PPP2R2C: variants seen among roughly 807,000 people sequenced by gnomAD.
PPP2R2C encodes the protein protein phosphatase 2 regulatory subunit Bgamma.
In PPP2R2C, 10 loss-of-function variants were observed where a neutral mutation model predicts 45.3. The ratio of observed to expected loss-of-function variants is 0.22; its 90% CI spans 0.14 to 0.37. The LOEUF (loss-of-function observed/expected upper bound fraction) is 0.37, where lower values mean the gene tolerates loss of function less well. Ranked by LOEUF, PPP2R2C falls within the 10% of genes least tolerant of loss-of-function variation. The pLI is 1.00. For synonymous variants in PPP2R2C, 257 were observed against 245.4 expected, an observed-to-expected ratio of 1.05 and a Z score of -0.44; for missense variants, 308 against 619.7, an observed-to-expected ratio of 0.50 and a Z score of 5.34.
At chr4:6,412,802 G>T (rs11722046) in intron 1 of PPP2R2C, among the ~76,000 whole-genome samples, 40,918 of 151,914 alleles carry the variant, frequency 0.27, 5,901 homozygotes, top group Admixed American at 0.39. Flanking sequence ...CATGAGGGTG[G>T]AGCCCCCATG....
At chr4:6,338,541 C>T (rs988474992) in intron 6 of PPP2R2C, among the ~76,000 whole-genome samples, 3 of 152,148 alleles carry the variant, frequency 2.0e-5, no homozygotes, top group South Asian at 4.1e-4. Flanking sequence ...CAGCCTCACA[C>T]AGAGCCGACG....
chr4:6,329,379 T>C lies in PPP2R2C; in HGVS notation c.961-26A>G, dbSNP rs527793424. Reference sequence around the variant, plus strand: ...CTGGTGGGATAAGGGATGAGGTGAGTGGACGGGGCGTCCCGACCATCCTGG... The same window carrying C: ...CTGGTGGGATAAGGGATGAGGTGAGCGGACGGGGCGTCCCGACCATCCTGG... On this transcript the variant is annotated intron_variant, in intron 7 of 8. Transcript: ENST00000382599. This position sits in a 1 kb window ranked among gnomAD's most constrained non-coding sequence, Gnocchi z 5.8. The C allele has an allele frequency of 1.1e-5, 17 of 1,594,904 alleles. No homozygotes were observed. In the Admixed American group the frequency reaches 2.8e-4, roughly 27 times the overall value.
intron 5 of PPP2R2C, 151 bp from the exon 6 acceptor site, chr4:6,348,161 C>CTGAGCTGCAGACCTGCATGG (rs1491275224): frequency 1.1e-6 from 1 of 879,790 alleles, no homozygotes; most frequent in Non-Finnish European, 1.7e-6. Context: ...ATGCGTCCCC[C>CTGAGCTGCAGACCTGCATGG]TGAGCTGCAG....
intron 1 of PPP2R2C, among the ~76,000 whole-genome samples, chr4:6,393,384 A>C (rs530605710): frequency 3.3e-5 from 5 of 152,346 alleles, no homozygotes; most frequent in African/African-American, 1.2e-4. Flanking sequence ...ACTTCGCAGA[A>C]TGTTTTCAAG....
intron 2 of PPP2R2C, among the ~76,000 whole-genome samples, chr4:6,511,495 ATGGCGGTGATGG>A (rs1723480560): frequency 4.5e-5 from 1 of 22,050 alleles, no homozygotes; most frequent in Non-Finnish European, 9.1e-5. Context: ...GTTGGTGGTG[ATGGCGGTGATGG>A]TGGTGGTGGT....
chr4:6,354,152 G>A (rs542482393), intron 5 of PPP2R2C, among the ~76,000 whole-genome samples: 4 of 150,966 alleles, frequency 2.6e-5, no homozygotes, highest in East Asian at 2.0e-4. Context: ...ATGGGGGTCC[G>A]TGCCCAAGCT....
chr4:6,333,286 C>T (rs1732562151), intron 7 of PPP2R2C, among the ~76,000 whole-genome samples: 1 of 152,212 alleles, frequency 6.6e-6, no homozygotes, highest in Non-Finnish European at 1.5e-5. Context: ...CATCTCTGTT[C>T]CCACATCTCT....
At chr4:6,420,102 C>T (rs1215505454) in intron 1 of PPP2R2C, among the ~76,000 whole-genome samples, 1 of 152,212 alleles carries the variant, frequency 6.6e-6, no homozygotes, top group African/African-American at 2.4e-5. Context: ...CTCAGAGGTA[C>T]AGACACTTCT....
intron 5 of PPP2R2C, among the ~76,000 whole-genome samples, chr4:6,361,678 C>T (rs187867246): frequency 3.3e-5 from 5 of 152,290 alleles, no homozygotes; most frequent in Non-Finnish European, 5.9e-5. Flanking sequence ...CTTGTCACCC[C>T]CTGGGAGGAC....
intron 1 of PPP2R2C, among the ~76,000 whole-genome samples, chr4:6,561,463 G>C (rs78164647): frequency 1.7e-4 from 26 of 152,220 alleles, no homozygotes; most frequent in East Asian, 7.7e-4. Flanking sequence ...GTCCTGGGTC[G>C]GAAGGAGGTG....
chr4:6,390,377 A>G (rs935408874), intron 1 of PPP2R2C, among the ~76,000 whole-genome samples: 1 of 152,192 alleles, frequency 6.6e-6, no homozygotes, highest in Non-Finnish European at 1.5e-5. Context: ...GACTCCTGAC[A>G]GCTGTGAGCA....
At position 6,345,328 on chromosome 4, in the gene PPP2R2C, T is replaced by C. The variant is rs948208769; in HGVS notation, c.790+2518A>G. Among the ~76,000 whole-genome samples, 16 of 152,168 alleles carry C rather than the reference T, an allele frequency of 1.1e-4. No individual in the cohort carries two copies. The highest frequency in any genetic ancestry group is 3.1e-4 in the African/African-American group (13 of 41,426). On this transcript the variant is annotated intron_variant, in intron 6 of 8. Transcript: ENST00000382599. The surrounding 1 kb of genome is among the most constrained non-coding windows in gnomAD (Gnocchi z 5.3). ...AGGCGTAGGTGGGGGGGCAGTGTCC[T>C]GTAGTAGGCGGTGGAACGGCCCCCA...
intron 1 of PPP2R2C, among the ~76,000 whole-genome samples, chr4:6,560,139 G>A (rs1284568159): frequency 3.3e-5 from 5 of 152,326 alleles, no homozygotes; most frequent in Admixed American, 2.6e-4. Flanking sequence ...GGCAAGGCAG[G>A]GGCAGGGGTG....
At chr4:6,371,058 G>A (rs1330895465) in intron 5 of PPP2R2C, among the ~76,000 whole-genome samples, 3 of 152,208 alleles carry the variant, frequency 2.0e-5, no homozygotes, top group African/African-American at 4.8e-5. Flanking sequence ...CTTAGGGTTC[G>A]GCACATCACA....
upstream of PPP2R2C, among the ~76,000 whole-genome samples, chr4:6,473,206 C>T (rs755851430): frequency 6.6e-6 from 1 of 152,072 alleles, no homozygotes; most frequent in Non-Finnish European, 1.5e-5. Flanking sequence ...TCCTCATGCC[C>T]ACCTCTCCTG....
At chr4:6,427,177 G>A (rs1233112613) in intron 1 of PPP2R2C, among the ~76,000 whole-genome samples, 4 of 152,230 alleles carry the variant, frequency 2.6e-5, no homozygotes, top group Admixed American at 6.5e-5. Flanking sequence ...GACGAGCTGG[G>A]GGCCCCACTG....
chr4:6,479,840 T>C (rs1222298955), intron 2 of PPP2R2C, among the ~76,000 whole-genome samples: 1 of 152,120 alleles, frequency 6.6e-6, no homozygotes, highest in African/African-American at 2.4e-5. Context: ...GAATCAATAT[T>C]AGCATTGACA....
intron 2 of PPP2R2C, among the ~76,000 whole-genome samples, chr4:6,500,509 T>C (rs926313341): frequency 7.9e-5 from 12 of 152,184 alleles, no homozygotes; most frequent in Non-Finnish European, 2.9e-5. Flanking sequence ...CCCTATTTGA[T>C]CTCATCCACT....
Position 6,441,498 on chromosome 4 carries a change from C to T in PPP2R2C, c.70+30662G>A, listed in dbSNP as rs571416298. On this transcript the variant is annotated intron_variant, in intron 1 of 8. Transcript: ENST00000382599. ...TTGCCCTCCTGAGCTGCCACCAGTCCCCACACACGAGCACTCTCTCTCCAC... is the reference window on the plus strand; with the variant it reads ...TTGCCCTCCTGAGCTGCCACCAGTCTCCACACACGAGCACTCTCTCTCCAC... Among the ~76,000 whole-genome samples the T allele has an allele frequency of 4.9e-4, 75 of 152,252 alleles. 1 individual carries two copies. In the South Asian group the frequency reaches 0.015, roughly 30 times the overall value.
Sources: gnomAD v4.1 joint callset for allele counts (sites outside exome capture counted in the v4.1 genomes callset) on GRCh38, gnomAD v4.1.1 for gene constraint, Gnocchi (gnomAD v3.1) non-coding constraint, MANE v1.5 for transcripts, NCBI Gene and HGNC (gene_info 2026-07-23, HGNC 2026-07-21) for gene names.